The following RBFOX1 variants were observed in gnomAD, a reference collection of about 807,000 sequenced individuals.
RBFOX1 encodes RNA binding fox-1 homolog 1.
RBFOX1 carries 8 observed loss-of-function variants against 57.7 expected under a neutral mutation model. That is an observed-to-expected ratio of 0.14 (90% CI 0.08 to 0.25). RBFOX1 has a LOEUF of 0.25. RBFOX1 is among the 10% of genes least tolerant of loss of function. The pLI is 1.00. For synonymous variants in RBFOX1, 326 were observed against 222.4 expected (o/e 1.47, Z -4.15); for missense variants, 611 against 548.5 (o/e 1.11, Z -1.14).
intron 2 of RBFOX1, among the ~76,000 whole-genome samples, chr16:6,482,080 A>G (rs1382885939): frequency 6.6e-6 from 1 of 152,210 alleles, no homozygotes; most frequent in Non-Finnish European, 1.5e-5. Context: ...TAGCATTTTA[A>G]TATTTGCTTA....
intron 3 of RBFOX1, among the ~76,000 whole-genome samples, chr16:5,709,423 G>C (rs1290307828): frequency 2.0e-5 from 3 of 152,086 alleles, no homozygotes; most frequent in African/African-American, 7.2e-5. Flanking sequence ...AGAATAATGA[G>C]AATTTAAAAC....
At chr16:6,360,790 C>T (rs2088325034) in intron 2 of RBFOX1, among the ~76,000 whole-genome samples, 1 of 152,128 alleles carries the variant, frequency 6.6e-6, no homozygotes, top group South Asian at 2.1e-4. Flanking sequence ...GGCCATGTGC[C>T]ACAGAGCTCC....
chr16:5,521,566 C>T (rs1196217933), intron 2 of RBFOX1, among the ~76,000 whole-genome samples: 1 of 152,128 alleles, frequency 6.6e-6, no homozygotes, highest in Non-Finnish European at 1.5e-5. Flanking sequence ...TGATTGGCCT[C>T]TGCAGATGAG....
intron 3 of RBFOX1, among the ~76,000 whole-genome samples, chr16:7,016,994 G>T (rs374529483): frequency 6.6e-6 from 1 of 152,098 alleles, no homozygotes; most frequent in South Asian, 2.1e-4. Flanking sequence ...TCATTTCCTG[G>T]TTGAGCGACC....
intron 3 of RBFOX1, among the ~76,000 whole-genome samples, chr16:6,989,622 C>G (rs533865576): frequency 6.6e-6 from 1 of 152,222 alleles, no homozygotes; most frequent in Admixed American, 6.5e-5. Flanking sequence ...CAGAAGTTAT[C>G]TCTGCAGACT....
chr16:6,693,077 T>G (rs1204015621), intron 3 of RBFOX1, among the ~76,000 whole-genome samples: 1 of 123,054 alleles, frequency 8.1e-6, no homozygotes, highest in Non-Finnish European at 1.8e-5. Context: ...CATCCTCCTC[T>G]ACTACCATCA....
chr16:6,982,734 T>C (rs1468451340), intron 3 of RBFOX1, among the ~76,000 whole-genome samples: 4 of 152,192 alleles, frequency 2.6e-5, no homozygotes, highest in Non-Finnish European at 5.9e-5. Context: ...GGCTCATGCC[T>C]GTAATCCCAA....
intron 2 of RBFOX1, among the ~76,000 whole-genome samples, chr16:5,554,457 T>A (rs1286117678): frequency 6.6e-6 from 1 of 152,198 alleles, no homozygotes; most frequent in Admixed American, 6.5e-5. Flanking sequence ...AAAAAGTATC[T>A]AAGAGTAAAT....
At chr16:6,072,420 C>T (rs1597007588) in intron 1 of RBFOX1, among the ~76,000 whole-genome samples, 1 of 152,274 alleles carries the variant, frequency 6.6e-6, no homozygotes, top group East Asian at 1.9e-4. Context: ...CATAGGAGTG[C>T]AGATATTTCT....
At chr16:5,649,876 C>T (rs964759474) in intron 3 of RBFOX1, among the ~76,000 whole-genome samples, 2 of 152,166 alleles carry the variant, frequency 1.3e-5, no homozygotes, top group East Asian at 3.9e-4. Context: ...TAGTCCTTCA[C>T]ACTGTGCAGA....
intron 4 of RBFOX1, among the ~76,000 whole-genome samples, chr16:5,909,183 C>A (rs1176547900): frequency 2.0e-5 from 3 of 149,988 alleles, no homozygotes; most frequent in Non-Finnish European, 4.4e-5. Context: ...AGCTCCGCCT[C>A]CCGGGTTCAC....
At chr16:6,191,582 A>G (rs1259179977) in intron 1 of RBFOX1, among the ~76,000 whole-genome samples, 1 of 152,196 alleles carries the variant, frequency 6.6e-6, no homozygotes, top group Non-Finnish European at 1.5e-5. Context: ...TTAGCACCGT[A>G]TAGAGAAATA....
At chr16:7,258,157 T>C (rs2094772259) in intron 4 of RBFOX1, among the ~76,000 whole-genome samples, 1 of 152,186 alleles carries the variant, frequency 6.6e-6, no homozygotes, top group Non-Finnish European at 1.5e-5. Context: ...CTTGACTATT[T>C]TATTCTGGAG....
intron 2 of RBFOX1, among the ~76,000 whole-genome samples, chr16:5,528,681 A>C (rs1156402008): frequency 1.8e-4 from 22 of 119,466 alleles, no homozygotes; most frequent in South Asian, 7.9e-4. Context: ...TCTTTCTCTC[A>C]CTCTGTCGCC....
chr16:5,415,436 A>AG (rs1185658583), intron 1 of RBFOX1, among the ~76,000 whole-genome samples: 5 of 152,222 alleles, frequency 3.3e-5, no homozygotes, highest in African/African-American at 1.2e-4. Context: ...ATTAGAGATG[A>AG]GATTTGGGTG....
chr16:7,011,514 T>A (rs903211167), intron 3 of RBFOX1, among the ~76,000 whole-genome samples: 2 of 151,576 alleles, frequency 1.3e-5, no homozygotes, highest in Admixed American at 1.3e-4. Context: ...TTGTTTTGTT[T>A]TGTTTTGTTT....
intron 3 of RBFOX1, among the ~76,000 whole-genome samples, chr16:6,924,732 C>T (rs2075206714): frequency 2.0e-5 from 3 of 151,332 alleles, no homozygotes; most frequent in South Asian, 4.2e-4. Context: ...GCACAACGTG[C>T]AGGTTTGTTA....
rs1245866823 is a variant in RBFOX1, at chr16:6,019,352, AGTCG to A, written c.-764_-761del. The A allele has an allele frequency of 6.1e-6, 6 of 985,144 alleles. No homozygotes were observed. The African/African-American group carries it at 8.8e-5, about 14-fold the overall frequency. The allele number at this position is 985,144 out of a possible 1,614,324, so 61.0% of individuals were successfully genotyped here. On this transcript the variant is annotated 5_prime_UTR_variant, in exon 1 of 16. Coordinates refer to ENST00000550418, the MANE Select transcript of RBFOX1 (RefSeq NM_018723.4). This position sits in a 1 kb window ranked among gnomAD's most constrained non-coding sequence, Gnocchi z 4.2. The stretch of plus-strand genomic sequence containing the variant: ...CGCTGCCGCCGCCTCCTCCAGCCAG[AGTCG>A]GTGGGACTGGCTGCGCTGCCCTGAA...
At chr16:5,345,673 A>T (rs1377383197) in intron 1 of RBFOX1, among the ~76,000 whole-genome samples, 1 of 152,170 alleles carries the variant, frequency 6.6e-6, no homozygotes, top group Non-Finnish European at 1.5e-5. Flanking sequence ...CTTGCTGAGC[A>T]GAAGCCATCT....
Sources: allele counts gnomAD v4.1 joint callset (sites outside exome capture counted in the v4.1 genomes callset), GRCh38; gene constraint gnomAD v4.1.1; non-coding constraint Gnocchi (gnomAD v3.1); transcripts MANE v1.5; gene names NCBI Gene and HGNC (gene_info 2026-07-23, HGNC 2026-07-21).